Variants in DRP2 observed in about 807,000 individuals in gnomAD.
DRP2 encodes dystrophin related protein 2.
Under a neutral mutation model 78.2 loss-of-function variants are expected in DRP2, and 29 were observed. That is an observed-to-expected ratio of 0.37 (90% CI 0.28 to 0.51). The LOEUF is 0.51. Among genes scored for constraint, DRP2 ranks in the 20% least tolerant of loss-of-function variants. The pLI is 0.94. For missense variants in DRP2, 686 were observed against 770.6 expected (o/e 0.89, Z 1.30); for synonymous variants, 290 against 281.9 (o/e 1.03, Z -0.29).
At chrX:101,260,365 A>G in intron 23 of DRP2, 132 bp from the exon 24 acceptor site, 2 of 965,545 alleles carry the variant, frequency 2.1e-6, no homozygotes, top group African/African-American at 3.9e-5. Flanking sequence ...CAACCTATGT[A>G]TTAGGCATTG....
chrX:101,248,841 T>C (rs1602928839), intron 14 of DRP2, among the ~76,000 whole-genome samples: 1 of 112,155 alleles, frequency 8.9e-6, no homozygotes, highest in Non-Finnish European at 1.9e-5. Context: ...TCCTTCTGAA[T>C]TGATGGAAGT....
intron 1 of DRP2, among the ~76,000 whole-genome samples, chrX:101,224,191 G>GTTTTTTTTTTTTTTTTT (rs1167730116): frequency 3.3e-4 from 13 of 38,880 alleles, no homozygotes; most frequent in Admixed American, 4.5e-4. Context: ...GGTTTTTTTT[G>GTTTTTTTTTTTTTTTTT]TTTTTTTTTT....
At chrX:101,254,634 G>A in intron 18 of DRP2, 73 bp downstream of exon 18, 2 of 1,182,994 alleles carry the variant, frequency 1.7e-6, no homozygotes, top group Non-Finnish European at 2.3e-6. Context: ...AAGGGGCTGA[G>A]TCCCGAGTGG....
At chrX:101,247,355 C>T (rs1241705432) in intron 12 of DRP2, among the ~76,000 whole-genome samples, 191 bp downstream of exon 12, 1 of 111,681 alleles carries the variant, frequency 9.0e-6, no homozygotes, top group Non-Finnish European at 1.9e-5. Context: ...CGCTAGGCCC[C>T]AGACGTGTTT....
At chrX:101,259,027 A>G (rs1178849346) in intron 22 of DRP2, among the ~76,000 whole-genome samples, 1 of 111,657 alleles carries the variant, frequency 9.0e-6, no homozygotes, top group East Asian at 2.8e-4. Flanking sequence ...GGCAATGTGT[A>G]TGCTGTGGTA....
rs368887469 is a variant in DRP2, at chrX:101,240,877, A to G, written c.560-791A>G. Among the ~76,000 whole-genome samples, 70 of 112,025 alleles carry G rather than the reference A, an allele frequency of 6.2e-4. 1 individual carries two copies. The highest frequency in any genetic ancestry group is 2.0e-3 in the African/African-American group (60 of 30,769). On this transcript the variant is annotated intron_variant, in intron 6 of 23. Coordinates refer to ENST00000395209, the MANE Select transcript of DRP2 (RefSeq NM_001939.3). ...GCACAATTCTAGTTAGCCTGGGGCT[A>G]TGGGGCTCTGGATCTTCTGAGGAGA...
intron 3 of DRP2, among the ~76,000 whole-genome samples, chrX:101,234,968 A>T (rs1407989989): frequency 9.0e-6 from 1 of 110,675 alleles, no homozygotes; most frequent in African/African-American, 3.3e-5. Flanking sequence ...AGTCTGGGGT[A>T]GAGCAGCCCA....
At position 101,245,093 on chromosome X, in the gene DRP2, A is replaced by G. The variant is rs200410975; in HGVS notation, c.1115+16A>G. The G allele has an allele frequency of 2.4e-5, 29 of 1,200,671 alleles. No individual in the cohort carries two copies. In the African/African-American group the frequency reaches 4.6e-4, roughly 19 times the overall value. The stretch of plus-strand genomic sequence containing the variant: ...ACTACATCAAGTGAGTGACCATCTG[A>G]ATCAGAAGCGGGTCAGTCACCTGCC... On this transcript the variant is annotated intron_variant, in intron 10 of 23. Transcript: ENST00000395209.
rs767381153 is a variant in DRP2, at chrX:101,259,546, T to A, written c.2629-503T>A. ...AGAGTTTGGCTCTTGTTGCCCAGGC[T>A]GGAGTGTAATGGCTCGATCTCAGCT... On this transcript the variant is annotated intron_variant, in intron 22 of 23. Transcript: ENST00000395209. 2.7e-5 allele frequency among the ~76,000 whole-genome samples: 3 copies of A among 112,076 alleles called. No homozygotes were observed. In the South Asian group the frequency reaches 1.1e-3, roughly 42 times the overall value.
Position 101,224,183 on chromosome X carries a change from TTTTTTTTG to T in DRP2, c.-166-413_-166-406del, listed in dbSNP as rs1569507483. 5.1e-4 allele frequency among the ~76,000 whole-genome samples: 32 copies of T among 62,176 alleles called. 2 individuals are homozygous for T. Among genetic ancestry groups the T allele is most frequent in the African/African-American group, 1.7e-3 (21 of 12,486 alleles). 54.0% of individuals were successfully genotyped at this position (62,176 alleles called of 115,157 possible). A position where few individuals can be genotyped will look rare whatever the true frequency, so the allele number is the denominator to read the frequency against. ...CCAAGAATAATAAATGTTTGCTGGG[TTTTTTTTG>T]TTTTTTTTTTTTTTTTTTTTTTTTT... On this transcript the variant is annotated intron_variant, in intron 1 of 23. Transcript: ENST00000395209.
chrX:101,221,372 G>A lies in DRP2; in HGVS notation c.-167+1226G>A, dbSNP rs183579164. ...AAGCCTCAGGTGATTTTCCTTCTAA[G>A]GTTTGCGTGGGGAGATGATCCCAGA... On this transcript the variant is annotated intron_variant, in intron 1 of 23. Coordinates refer to ENST00000395209, the MANE Select transcript of DRP2 (RefSeq NM_001939.3). Among the ~76,000 whole-genome samples the A allele has an allele frequency of 6.2e-5, 7 of 112,281 alleles. No individual in the cohort carries two copies. In the East Asian group the frequency reaches 2.0e-3, roughly 31 times the overall value.
intron 1 of DRP2, among the ~76,000 whole-genome samples, chrX:101,222,854 C>A (rs900888136): frequency 8.9e-6 from 1 of 111,874 alleles, no homozygotes; most frequent in Non-Finnish European, 1.9e-5. Flanking sequence ...TCCAAAGTAA[C>A]CACTATCCTG....
intron 4 of DRP2, 26 bp from the exon 5 acceptor site, chrX:101,237,593 T>A: frequency 9.6e-7 from 1 of 1,046,554 alleles, no homozygotes; most frequent in Non-Finnish European, 1.2e-6. Flanking sequence ...AGACTGAACA[T>A]CACTGGTTTT....
chrX:101,241,632 G>T, intron 6 of DRP2, 36 bp from the exon 7 acceptor site: 1 of 1,202,762 alleles, frequency 8.3e-7, no homozygotes, highest in Non-Finnish European at 1.1e-6. Flanking sequence ...GACCCTGCCT[G>T]GTTGGCCTAA....
intron 1 of DRP2, among the ~76,000 whole-genome samples, chrX:101,224,342 C>G (rs1922034952): frequency 1.0e-5 from 1 of 99,127 alleles, no homozygotes; most frequent in African/African-American, 3.7e-5. Context: ...CGAGATCATG[C>G]CACTGCACTC....
At chrX:101,254,663 G>A (rs1369200463) in intron 18 of DRP2, 102 bp downstream of exon 18, 1 of 1,141,076 alleles carries the variant, frequency 8.8e-7, no homozygotes, top group Non-Finnish European at 1.2e-6. Context: ...AATGTTCCAA[G>A]GTAAATCCCA....
chrX:101,248,726 A>C lies in DRP2; in HGVS notation c.1540+127A>C. 6 of 582,702 alleles carry C rather than the reference A, an allele frequency of 1.0e-5. No individual in the cohort carries two copies. The South Asian group carries it at 1.1e-4, about 10-fold the overall frequency. 48.0% of individuals were successfully genotyped at this position (582,702 alleles called of 1,213,427 possible). ...AGCAGAGGGCTACTTGGGCTACCTT[A>C]TGATGCTTCTTGGTTCACACTGTTG... On this transcript the variant is annotated intron_variant, in intron 14 of 23. Transcript: ENST00000395209.
At chrX:101,259,790 G>A (rs1379149923) in intron 22 of DRP2, among the ~76,000 whole-genome samples, 2 of 112,344 alleles carry the variant, frequency 1.8e-5, no homozygotes, top group African/African-American at 3.2e-5. Context: ...GAGCCACCGC[G>A]CCCAGCCTAC....
rs771460358 is a variant in DRP2, at chrX:101,247,139, C to T, written c.1227C>T (p.Leu409=). 5.0e-6 allele frequency: 6 copies of T among 1,210,701 alleles called. No individual in the cohort carries two copies. In the Admixed American group the frequency reaches 1.3e-4, roughly 26 times the overall value. The change falls in exon 12 of 24, where the codon CTC becomes CTT. Residue 409 remains leucine (L), a synonymous_variant. Transcript: ENST00000395209. ...KFSAYRTAMK[L]RRVQKALRLD... is the part of the protein sequence containing the mutation. ...CAGCTTATCGCACTGCCATGAAACT[C>T]CGCAGAGTCCAGAAAGCCCTGCGCT...
Sources: gnomAD v4.1 joint callset for allele counts (sites outside exome capture counted in the v4.1 genomes callset) on GRCh38, gnomAD v4.1.1 for gene constraint, MANE v1.5 for transcripts, NCBI Gene and HGNC (gene_info 2026-07-23, HGNC 2026-07-21) for gene names.